IPO4: variants seen among roughly 807,000 people sequenced by gnomAD.
The protein encoded by IPO4 is importin 4, also known as importin-4.
In IPO4, 91 loss-of-function variants were observed where a neutral mutation model predicts 133.5. The observed-to-expected ratio is 0.68, with a 90% CI of 0.58 to 0.81. IPO4 has a LOEUF of 0.81. Among genes scored for constraint, IPO4 ranks in the 30% least tolerant of loss-of-function variants. IPO4 has a pLI of 0.00. For missense variants in IPO4, 1,279 were observed against 1,386.2 expected (o/e 0.92, Z 1.23); for synonymous variants, 607 against 581.6 (o/e 1.04, Z -0.63).
intron 9 of IPO4, 70 bp from the exon 10 acceptor site, chr14:24,186,521 G>A (rs2039225772): frequency 6.6e-7 from 1 of 1,504,844 alleles, no homozygotes; most frequent in South Asian, 1.3e-5. Flanking sequence ...AAAAATTCCA[G>A]TCTTCCAGGC....
chr14:24,182,902 G>GA (rs869188607), intron 23 of IPO4, 60 bp from the exon 24 acceptor site: 2 of 1,487,300 alleles, frequency 1.3e-6, no homozygotes, highest in South Asian at 1.2e-5. Flanking sequence ...CATGGGGGTA[G>GA]GGGGTGGACT....
In IPO4 at chr14:24,188,045, T is replaced by C. The variant is rs908390658; in HGVS notation, c.278+171A>G. On this transcript the variant is annotated intron_variant, in intron 4 of 29. Coordinates refer to ENST00000354464, the MANE Select transcript of IPO4 (RefSeq NM_024658.4). ...CTTCTGACTTGGGTTTGGCAGATCA[T>C]CATCACCCTTCCTCAAGAACTTTAG... 3.7e-6 allele frequency: 3 copies of C among 800,452 alleles called. No homozygotes were observed. The African/African-American group carries it at 5.2e-5, about 14-fold the overall frequency. The allele number at this position is 800,452 out of a possible 1,614,324, so 49.6% of individuals were successfully genotyped here. A position where few individuals can be genotyped will look rare whatever the true frequency, so the allele number is the denominator to read the frequency against.
chr14:24,185,920 T>G lies in IPO4; in HGVS notation c.1110A>C (p.Lys370Asn), dbSNP rs746912161. Residue 370 changes from lysine to asparagine, a missense_variant, in exon 12 of 30, where the codon AAA becomes AAC. Coordinates refer to ENST00000354464, the MANE Select transcript of IPO4 (RefSeq NM_024658.4). ...ALRSESPYQR[K>N]AGLLVLAVLS... Reference sequence around the variant, plus strand: ...GCACGGCCAGCACCAGGAGTCCAGCTTTGCGCTGGTATGGGCTCTCGCTCC... The same window carrying G: ...GCACGGCCAGCACCAGGAGTCCAGCGTTGCGCTGGTATGGGCTCTCGCTCC... The G allele has an allele frequency of 5.6e-6, 9 of 1,613,942 alleles. No homozygotes were observed. The highest frequency in any genetic ancestry group is 1.7e-6 in the Non-Finnish European group (2 of 1,180,034).
chr14:24,186,893 G>C lies in IPO4; in HGVS notation c.741C>G (p.Leu247=). The change falls in exon 8 of 30, where the codon CTC becomes CTG. Residue 247 remains leucine (L), a synonymous_variant. Coordinates refer to ENST00000354464, the MANE Select transcript of IPO4 (RefSeq NM_024658.4). ...CCAGGCTCACCTCCAGGCAGAATGTGAGGACTTCAGAGAGGTAGGGGGTGA... is the reference window on the plus strand; with the variant it reads ...CCAGGCTCACCTCCAGGCAGAATGTCAGGACTTCAGAGAGGTAGGGGGTGA... ...PVITPYLSEV[L]TFCLEVARNV... 1 of 1,614,048 alleles carries C rather than the reference G, an allele frequency of 6.2e-7. No homozygotes were observed. Among genetic ancestry groups the C allele is most frequent in the Non-Finnish European group, 8.5e-7 (1 of 1,179,926 alleles).
chr14:24,186,228 C>G, intron 10 of IPO4, 46 bp from the exon 11 acceptor site: 1 of 1,609,670 alleles, frequency 6.2e-7, no homozygotes, highest in Non-Finnish European at 8.5e-7. Context: ...CCATCTCTGC[C>G]TCCCCAACGT....
At chr14:24,185,406 G>C (rs2039204810) in intron 13 of IPO4, 53 bp downstream of exon 13, 9 of 1,611,040 alleles carry the variant, frequency 5.6e-6, no homozygotes, top group Admixed American at 5.0e-5. Context: ...AGAGATGAAA[G>C]ATGAGGGGAA....
rs759482279 is a variant in IPO4 at position 24,184,390 on chromosome 14, C to A, written c.1665G>T (p.Val555=). The A allele has an allele frequency of 1.6e-5, 25 of 1,609,276 alleles. No individual in the cohort carries two copies. The highest frequency in any genetic ancestry group is 1.3e-5 in the African/African-American group (1 of 74,876). ...CAGCCAGCGGCCTCATGGGCTCCCC[C>A]ACTGCTCGTGCCAGCACCCCCAGTG... ...LETLGVLARA[V]GEPMRPLAEE... The change falls in exon 17 of 30, where the codon GTG becomes GTT. Residue 555 remains valine (V), a synonymous_variant. Coordinates refer to ENST00000354464, the MANE Select transcript of IPO4 (RefSeq NM_024658.4).
In IPO4 at chr14:24,186,430, G is replaced by A. The variant is rs1157000013; in HGVS notation, c.862C>T (p.Leu288=). Residue 288 remains leucine, a synonymous_variant, in exon 10 of 30, where the codon CTG becomes TTG. Coordinates refer to ENST00000354464, the MANE Select transcript of IPO4 (RefSeq NM_024658.4). ...KSKALLKNRL[L]PPLLHTLFPI... is the part of the protein sequence containing the mutation. ...AAAAGGGTGTGCAGCAAGGGTGGCA[G>A]GAGACGATTCTTCAGTAAGGCCTTG... 1 of 1,595,896 alleles carries A rather than the reference G, an allele frequency of 6.3e-7. No homozygotes were observed. Among genetic ancestry groups the A allele is most frequent in the Non-Finnish European group, 8.6e-7 (1 of 1,169,232 alleles).
At chr14:24,187,054 T>C in intron 7 of IPO4, 31 bp downstream of exon 7, 1 of 1,613,076 alleles carries the variant, frequency 6.2e-7, no homozygotes, top group South Asian at 1.1e-5. Context: ...GCACTCTCCT[T>C]CCAACAGAGC....
chr14:24,184,745 G>C lies in IPO4; in HGVS notation c.1541C>G (p.Ser514Trp). The C allele has an allele frequency of 6.2e-7, 1 of 1,612,804 alleles. No homozygotes were observed. The highest frequency in any genetic ancestry group is 1.3e-5 in the African/African-American group (1 of 75,028). ...LGAIATAAQASLLPYFPAIME... is the reference protein window; with the variant it reads ...LGAIATAAQAWLLPYFPAIME... ...GATGGCAGGGAAGTAGGGCAGCAGC[G>C]AGGCCTGGGCAGCCGTAGCTGCAGG... The change falls in exon 16 of 30, where the codon TCG becomes TGG. Residue 514 changes from serine (S) to tryptophan (W), a missense_variant. Ser to Trp is a radical substitution (Grantham distance 177, BLOSUM62 -3). Coordinates refer to ENST00000354464, the MANE Select transcript of IPO4 (RefSeq NM_024658.4).
rs1416527242 is a variant in IPO4 at position 24,182,071 on chromosome 14, C to G, written c.2691G>C (p.Val897=). Residue 897 remains valine (V), a synonymous_variant, in exon 26 of 30, where the codon GTG becomes GTC. Transcript: ENST00000354464. ...QGLGAASAQF[V]SRLLPVLLST... ...TCAACAGCACAGGGAGCAGCCGAGA[C>G]ACAAACTGGGCTGAGGCAGCACCCA... is the stretch of plus-strand genomic sequence containing the variant. The G allele has an allele frequency of 1.1e-5, 18 of 1,613,988 alleles. No homozygotes were observed. Among genetic ancestry groups the G allele is most frequent in the Non-Finnish European group, 1.5e-5 (18 of 1,180,030 alleles).
At chr14:24,182,442 C>A in intron 24 of IPO4, 39 bp from the exon 25 acceptor site, 1 of 1,591,452 alleles carries the variant, frequency 6.3e-7, no homozygotes, top group Non-Finnish European at 8.5e-7. Context: ...CCAGGGCCAG[C>A]TCAGTGACTG....
At position 24,187,144 on chromosome 14, in the gene IPO4, CGA is replaced by C; in HGVS notation, c.593_594del (p.Leu198ArgfsTer20). On this transcript the variant is annotated frameshift_variant, in exon 7 of 30. Coordinates refer to ENST00000354464, the MANE Select transcript of IPO4 (RefSeq NM_024658.4). LOFTEE classifies it high-confidence loss of function. ...APYLSTEDVPLARMLVPKLIM... is the reference protein window; with the variant it reads ...APYLSTEDVPXARMLVPKLIM... ...ATCAGCTTGGGCACCAACATCCGAGCGAGAGGCTGAGGGACACATCACAGAGA... is the reference window on the plus strand; with the variant it reads ...ATCAGCTTGGGCACCAACATCCGAGCGAGGCTGAGGGACACATCACAGAGA... 1 of 1,613,684 alleles carries C rather than the reference CGA, an allele frequency of 6.2e-7. No individual in the cohort carries two copies. Among genetic ancestry groups the C allele is most frequent in the Non-Finnish European group, 8.5e-7 (1 of 1,179,716 alleles).
At chr14:24,187,186 A>G (rs2039235558) in intron 6 of IPO4, 36 bp from the exon 7 acceptor site, 2 of 1,602,466 alleles carry the variant, frequency 1.2e-6, no homozygotes, top group African/African-American at 1.3e-5. Context: ...GATGCAGCCC[A>G]ATCTCACACC....
intron 9 of IPO4, 31 bp downstream of exon 9, chr14:24,186,677 G>A (rs769789561): frequency 1.3e-6 from 2 of 1,578,502 alleles, no homozygotes; most frequent in Non-Finnish European, 8.7e-7. Context: ...GATGGGGGTG[G>A]GGTGATGTGT....
chr14:24,182,426 G>A, intron 24 of IPO4, 23 bp from the exon 25 acceptor site: 3 of 1,598,760 alleles, frequency 1.9e-6, no homozygotes, highest in South Asian at 2.2e-5. Context: ...GTCAGGGGCT[G>A]GAGCACCAGG....
chr14:24,186,872 G>T lies in IPO4; in HGVS notation c.756+6C>A. ...GTAGCAGGGGCCATGTCCACTCCAG[G>T]CTCACCTCCAGGCAGAATGTGAGGA... On this transcript the variant is annotated splice_donor_region_variant and intron_variant, in intron 8 of 29. Transcript: ENST00000354464. 2 of 1,613,184 alleles carry T rather than the reference G, an allele frequency of 1.2e-6. No homozygotes were observed. The highest frequency in any genetic ancestry group is 1.7e-6 in the Non-Finnish European group (2 of 1,179,128).
chr14:24,187,031 AC>A (rs747429917), intron 7 of IPO4, 52 bp from the exon 8 acceptor site: 1 of 1,612,448 alleles, frequency 6.2e-7, no homozygotes, highest in Non-Finnish European at 8.5e-7. Context: ...AGTGGGCCAA[AC>A]TGGACACTTC....
intron 17 of IPO4, 44 bp from the exon 18 acceptor site, chr14:24,184,153 C>T (rs1278372506): frequency 3.2e-6 from 5 of 1,573,802 alleles, no homozygotes; most frequent in Non-Finnish European, 4.4e-6. Flanking sequence ...CTGCCTGCTA[C>T]CACCAGGCAG....
Sources: allele counts gnomAD v4.1 joint callset, GRCh38; gene constraint gnomAD v4.1.1; transcripts MANE v1.5; gene names NCBI Gene and HGNC (gene_info 2026-07-23, HGNC 2026-07-21).